SUGP1: variants seen among roughly 807,000 people sequenced by gnomAD.
SUGP1 encodes the protein SURP and G-patch domain containing 1.
Under a neutral mutation model 76.5 loss-of-function variants are expected in SUGP1, and 34 were observed. The observed-to-expected ratio is 0.44, with a 90% CI of 0.34 to 0.59. The LOEUF (loss-of-function observed/expected upper bound fraction) is 0.59. SUGP1 is among the 20% of genes least tolerant of loss of function. SUGP1 has a pLI of 0.01. For missense variants in SUGP1, 752 were observed against 851.7 expected (o/e 0.88, Z 1.46); for synonymous variants, 326 against 326.2 (o/e 1.00, Z 0.01).
rs137948141 is a variant in SUGP1, at chr19:19,307,512, G to A, written c.311-1436C>T. 2.8e-3 allele frequency among the ~76,000 whole-genome samples: 426 copies of A among 152,252 alleles called. 4 individuals carry two copies. The highest frequency in any genetic ancestry group is 9.6e-3 in the African/African-American group (398 of 41,538). The stretch of plus-strand genomic sequence containing the variant: ...CTTGGAACAAAACGCACACTATGTC[G>A]TCATCTGCATAAAGGGTCAAACATC... On this transcript the variant is annotated intron_variant, in intron 3 of 13. Coordinates refer to ENST00000247001, the MANE Select transcript of SUGP1 (RefSeq NM_172231.4).
intron 8 of SUGP1, among the ~76,000 whole-genome samples, chr19:19,292,192 G>T (rs1190572472): frequency 1.3e-5 from 2 of 148,874 alleles, no homozygotes; most frequent in African/African-American, 2.5e-5. Flanking sequence ...AGAATTGCTT[G>T]AACCTGGGAG....
chr19:19,314,504 G>A (rs2061378012), intron 2 of SUGP1, among the ~76,000 whole-genome samples: 1 of 150,824 alleles, frequency 6.6e-6, no homozygotes, highest in Non-Finnish European at 1.5e-5. Flanking sequence ...AAAAAAAGAA[G>A]GAGTAGAAGT....
At chr19:19,288,939 C>T (rs1442226444) in intron 8 of SUGP1, among the ~76,000 whole-genome samples, 1 of 152,032 alleles carries the variant, frequency 6.6e-6, no homozygotes, top group Non-Finnish European at 1.5e-5. Flanking sequence ...GCATGTGCCA[C>T]CATGCCCGGC....
At position 19,276,567 on chromosome 19, in the gene SUGP1, G is replaced by A; in HGVS notation, c.*81C>T. On this transcript the variant is annotated 3_prime_UTR_variant, in exon 14 of 14. Coordinates refer to ENST00000247001, the MANE Select transcript of SUGP1 (RefSeq NM_172231.4). ...CGGCACGGCACTCGTGACAACGGAA[G>A]GGGTGGGCAGAAATGCAGGCCGGAA... The A allele has an allele frequency of 6.4e-7, 1 of 1,558,712 alleles. No homozygotes were observed. Among genetic ancestry groups the A allele is most frequent in the Non-Finnish European group, 8.8e-7 (1 of 1,131,490 alleles).
rs564501602 is a variant in SUGP1 at position 19,303,353 on chromosome 19, T to C, written c.758A>G (p.Gln253Arg). Reference protein sequence around the residue: ...KEAQKSQAASQKVSPPEDEEV... With the variant: ...KEAQKSQAASRKVSPPEDEEV... ...CACCCGCTCCGTCCACCTACCTTTC[T>C]GAGAGGCTGCCTGCGACTTCTGTGC... Residue 253 changes from glutamine to arginine, a missense_variant, in exon 6 of 14, where the codon CAG (glutamine) becomes CGG (arginine). This residue lies in a region of SUGP1 where 620 missense variants were observed against 617.3 expected (regional missense o/e 1.00). Coordinates refer to ENST00000247001, the MANE Select transcript of SUGP1 (RefSeq NM_172231.4). 6.2e-7 allele frequency: 1 copy of C among 1,613,572 alleles called. No homozygotes were observed. Among genetic ancestry groups the C allele is most frequent in the Admixed American group, 1.7e-5 (1 of 60,006 alleles).
chr19:19,311,974 T>G (rs2061356319), intron 2 of SUGP1, among the ~76,000 whole-genome samples: 1 of 152,010 alleles, frequency 6.6e-6, no homozygotes, highest in African/African-American at 2.4e-5. Flanking sequence ...TGAGATCATG[T>G]TTCTTAAAAC....
In SUGP1 at chr19:19,278,733, G is replaced by A. The variant is rs200762916; in HGVS notation, c.1592C>T (p.Pro531Leu). The A allele has an allele frequency of 6.2e-7, 1 of 1,614,044 alleles. No homozygotes were observed. Among genetic ancestry groups the A allele is most frequent in the Non-Finnish European group, 8.5e-7 (1 of 1,179,970 alleles). The change falls in exon 11 of 14, where the codon CCA (proline) becomes CTA (leucine). Residue 531 changes from proline to leucine, a missense_variant. This residue lies in a region of SUGP1 where 132 missense variants were observed against 234.4 expected (regional missense o/e 0.56). Coordinates refer to ENST00000247001, the MANE Select transcript of SUGP1 (RefSeq NM_172231.4). Reference protein sequence around the residue: ...GKHFIGDFLPPDELEKFMETF... With the variant: ...GKHFIGDFLPLDELEKFMETF... ...CTCCATAAACTTTTCCAGCTCGTCT[G>A]GAGGCAGGAAGTCTCCGATGAAGTG...
chr19:19,316,692 T>G, intron 1 of SUGP1, 99 bp from the exon 2 acceptor site: 1 of 1,295,440 alleles, frequency 7.7e-7, no homozygotes, highest in Non-Finnish European at 1.1e-6. Flanking sequence ...CAGATTAATT[T>G]ATATGTCTAT....
intron 8 of SUGP1, among the ~76,000 whole-genome samples, chr19:19,295,359 C>T (rs904221831): frequency 3.3e-5 from 5 of 151,984 alleles, no homozygotes; most frequent in Admixed American, 6.6e-5. Context: ...AATCCCAGCA[C>T]TTTGGGAGGC....
At chr19:19,280,524 A>G in intron 8 of SUGP1, 1 of 524,166 alleles carries the variant, frequency 1.9e-6, no homozygotes, top group African/African-American at 1.9e-5. Flanking sequence ...GGCTCTACGC[A>G]CCACCACATT....
intron 8 of SUGP1, among the ~76,000 whole-genome samples, chr19:19,295,719 C>G (rs1263323397): frequency 4.0e-5 from 6 of 149,522 alleles, no homozygotes; most frequent in Admixed American, 3.3e-4. Flanking sequence ...TCAAAACAAA[C>G]AAAAACTGGG....
At chr19:19,277,249 G>GT (rs1401532808) in intron 12 of SUGP1, among the ~76,000 whole-genome samples, 173 bp from the exon 13 acceptor site, 16,429 of 139,206 alleles carry the variant, frequency 0.12, 1,379 homozygotes, top group Middle Eastern at 0.22. Context: ...CCCCGGGGCG[G>GT]GCGGGGGGGG....
At chr19:19,303,502 C>G (rs2061289206) in intron 5 of SUGP1, 54 bp from the exon 6 acceptor site, 1 of 1,508,530 alleles carries the variant, frequency 6.6e-7, no homozygotes, top group African/African-American at 1.4e-5. Context: ...CTGTGACAGG[C>G]ATATCCCTGC....
At chr19:19,297,400 A>ATTCTGGGCAGGAGCAGTTCCGGCC in intron 7 of SUGP1, 56 bp from the exon 8 acceptor site, 1 of 1,349,532 alleles carries the variant, frequency 7.4e-7, no homozygotes, top group South Asian at 1.5e-5. Context: ...CCTGTCCCTG[A>ATTCTGGGCAGGAGCAGTTCCGGCC]TTCTGGGCAG....
intron 4 of SUGP1, among the ~76,000 whole-genome samples, chr19:19,305,240 A>G (rs1311273136): frequency 6.6e-6 from 1 of 152,112 alleles, no homozygotes; most frequent in Non-Finnish European, 1.5e-5. Flanking sequence ...AGCCCTTCAC[A>G]CAGTTCAGGT....
In SUGP1 at chr19:19,297,074, C is replaced by A. The variant is rs115426450; in HGVS notation, c.1158G>T (p.Arg386=). ...CTACCTTATCCTCTTCAGGCCCCCACCGGCTCTTCCGCTTCCTCTTCACGG... is the reference window on the plus strand; with the variant it reads ...CTACCTTATCCTCTTCAGGCCCCCAACGGCTCTTCCGCTTCCTCTTCACGG... ...AATVKRKRKS[R]WGPEEDKVEL... The change falls in exon 8 of 14, where the codon CGG becomes CGT. Residue 386 remains arginine (R), a synonymous_variant. Transcript: ENST00000247001. 3,102 of 1,613,602 alleles carry A rather than the reference C, an allele frequency of 1.9e-3. 53 individuals are homozygous for A. In the African/African-American group the frequency reaches 0.034, roughly 18 times the overall value.
chr19:19,287,740 T>G (rs1036651319), intron 8 of SUGP1, among the ~76,000 whole-genome samples: 1 of 152,176 alleles, frequency 6.6e-6, no homozygotes, highest in Non-Finnish European at 1.5e-5. Flanking sequence ...AGGATTCTCA[T>G]TATTCGAGAC....
rs778344320 is a variant in SUGP1, at chr19:19,276,966, C to T, written c.1892G>A (p.Arg631His). Residue 631 changes from arginine to histidine, a missense_variant, in exon 13 of 14, where the codon CGC becomes CAC. Physicochemically the swap from Arg to His is conservative, Grantham distance 29. Transcript: ENST00000247001. ...GCGTACCAGGGGGTTGGGCCGGAAG[C>T]GGTAGGCCAGCATCATCCTCTTGCG... ...AFRKRMMLAY[R>H]FRPNPLNNPR... 6.2e-6 allele frequency: 10 copies of T among 1,612,948 alleles called. No individual in the cohort carries two copies. The highest frequency in any genetic ancestry group is 1.3e-5 in the African/African-American group (1 of 74,928).
At chr19:19,300,775 G>A (rs1418532957) in intron 7 of SUGP1, among the ~76,000 whole-genome samples, 2 of 152,206 alleles carry the variant, frequency 1.3e-5, no homozygotes, top group South Asian at 2.1e-4. Flanking sequence ...TGGCCTCCCC[G>A]ACAGCCACAC....
Sources: allele counts gnomAD v4.1 joint callset (sites outside exome capture counted in the v4.1 genomes callset), GRCh38; gene constraint gnomAD v4.1.1; regional missense constraint gnomAD v4.1.1; transcripts MANE v1.5; gene names NCBI Gene and HGNC (gene_info 2026-07-23, HGNC 2026-07-21).